The following PPP2R5C variants were observed in gnomAD, a reference collection of about 807,000 sequenced individuals.
PPP2R5C encodes the protein serine/threonine-protein phosphatase 2A 56 kDa regulatory subunit gamma isoform.
Under a neutral mutation model 68.9 loss-of-function variants are expected in PPP2R5C, and 7 were observed. The ratio of observed to expected loss-of-function variants is 0.10; its 90% CI spans 0.06 to 0.19. The LOEUF is 0.19. PPP2R5C is among the 10% of genes least tolerant of loss of function. The probability of loss-of-function intolerance (pLI) is 1.00; values close to 1 mark genes in which losing one functional copy is unlikely to be tolerated. For missense variants in PPP2R5C, 348 were observed against 641.3 expected (o/e 0.54, Z 4.94); for synonymous variants, 210 against 222.2 (o/e 0.95, Z 0.49).
chr14:101,880,807 A>G (rs1375979905), intron 2 of PPP2R5C, among the ~76,000 whole-genome samples: 2 of 152,184 alleles, frequency 1.3e-5, no homozygotes, highest in South Asian at 4.1e-4. Flanking sequence ...AGAGGAAAAA[A>G]GAAAAGGGAA....
At chr14:101,810,199 A>G (rs1293057738) in intron 1 of PPP2R5C, 3 of 646,192 alleles carry the variant, frequency 4.6e-6, no homozygotes, top group African/African-American at 3.7e-5. Context: ...GCAGTTTGGC[A>G]TTTTACGAAC....
chr14:101,806,269 C>T (rs956698045), upstream of PPP2R5C, among the ~76,000 whole-genome samples: 1 of 148,724 alleles, frequency 6.7e-6, no homozygotes, highest in African/African-American at 2.6e-5. Flanking sequence ...TGTCCCCCAC[C>T]CCCCGACAGG....
intron 2 of PPP2R5C, among the ~76,000 whole-genome samples, chr14:101,763,767 G>C (rs2036691882): frequency 6.6e-6 from 1 of 152,144 alleles, no homozygotes; most frequent in East Asian, 1.9e-4. Flanking sequence ...CTATGGTGTT[G>C]CTATGTTGCT....
At chr14:101,858,130 G>A (rs146636055) in intron 2 of PPP2R5C, among the ~76,000 whole-genome samples, 1 of 152,226 alleles carries the variant, frequency 6.6e-6, no homozygotes, top group African/African-American at 2.4e-5. Context: ...AGAGTAATAG[G>A]CATAAACTGA....
At chr14:101,908,265 G>C (rs2046174939) in intron 10 of PPP2R5C, among the ~76,000 whole-genome samples, 1 of 152,244 alleles carries the variant, frequency 6.6e-6, no homozygotes, top group Non-Finnish European at 1.5e-5. Flanking sequence ...CATGCTGATA[G>C]CAGTGGAGGC....
chr14:101,794,081 C>T (rs1015872584), intron 3 of PPP2R5C, among the ~76,000 whole-genome samples: 4 of 152,158 alleles, frequency 2.6e-5, no homozygotes, highest in Non-Finnish European at 5.9e-5. Flanking sequence ...AGGCAACATT[C>T]GAGTGGGGAA....
At chr14:101,780,474 C>T (rs552880636) in intron 2 of PPP2R5C, among the ~76,000 whole-genome samples, 4 of 152,274 alleles carry the variant, frequency 2.6e-5, no homozygotes, top group East Asian at 1.9e-4. Context: ...TAGTTGTCGC[C>T]GCTTGGGGGG....
intron 3 of PPP2R5C, among the ~76,000 whole-genome samples, chr14:101,798,279 A>G (rs2140126027): frequency 6.6e-6 from 1 of 152,364 alleles, no homozygotes; most frequent in East Asian, 1.9e-4. Context: ...AAATAGAAGC[A>G]TATTTAATTT....
At chr14:101,864,926 TCTG>T (rs2036340360) in intron 2 of PPP2R5C, among the ~76,000 whole-genome samples, 1 of 152,232 alleles carries the variant, frequency 6.6e-6, no homozygotes, top group Non-Finnish European at 1.5e-5. Context: ...CAGCTCAACA[TCTG>T]CTGCGGCATT....
chr14:101,775,189 A>AG (rs1256399295), intron 2 of PPP2R5C, among the ~76,000 whole-genome samples: 1 of 152,214 alleles, frequency 6.6e-6, no homozygotes, highest in Non-Finnish European at 1.5e-5. Flanking sequence ...AGATACTGAG[A>AG]GATCAGTGAT....
intron 1 of PPP2R5C, among the ~76,000 whole-genome samples, chr14:101,822,336 G>A (rs377412588): frequency 1.3e-5 from 2 of 152,112 alleles, no homozygotes; most frequent in Non-Finnish European, 2.9e-5. Flanking sequence ...AAACACGAAC[G>A]AGAATGAACA....
intron 9 of PPP2R5C, among the ~76,000 whole-genome samples, chr14:101,902,383 C>G (rs2045739774): frequency 6.6e-6 from 1 of 152,184 alleles, no homozygotes; most frequent in Admixed American, 6.5e-5. Flanking sequence ...GAGCTACTTT[C>G]TACTTTCTTT....
chr14:101,894,406 C>G (rs1367722845), intron 7 of PPP2R5C, 101 bp from the exon 10 acceptor site: 3 of 1,079,952 alleles, frequency 2.8e-6, no homozygotes, highest in Non-Finnish European at 2.8e-6. Context: ...TACCGTGGGT[C>G]CTTGTCTTGC....
At chr14:101,762,778 A>G in intron 1 of PPP2R5C, 127 bp from the exon 2 acceptor site, 1 of 767,568 alleles carries the variant, frequency 1.3e-6, no homozygotes, top group Non-Finnish European at 2.2e-6. Context: ...GAATTTCCTA[A>G]TGGTATGAAT....
At chr14:101,894,796 C>T (rs998047161) in intron 8 of PPP2R5C, among the ~76,000 whole-genome samples, 7 of 152,170 alleles carry the variant, frequency 4.6e-5, no homozygotes, top group African/African-American at 9.7e-5. Flanking sequence ...CCTTGTCCCT[C>T]GTTGCACTTT....
At chr14:101,900,809 G>C (rs577568313) in intron 8 of PPP2R5C, among the ~76,000 whole-genome samples, 2 of 152,184 alleles carry the variant, frequency 1.3e-5, no homozygotes, top group Non-Finnish European at 1.5e-5. Context: ...GCAGTCCGAC[G>C]GGCTGTGCCT....
intron 1 of PPP2R5C, chr14:101,819,128 G>A: frequency 6.8e-7 from 1 of 1,475,826 alleles, no homozygotes; most frequent in Non-Finnish European, 9.3e-7. Context: ...TACATTTGTA[G>A]ACAGTTTCTG....
In PPP2R5C at chr14:101,819,170, T is replaced by C. The variant is rs2039896199; in HGVS notation, c.94+9134T>C. ...TATAATTAGGAATGGGTTGTCGGTT[T>C]TGGTTTTTTTCCCAGCTTTATGTAA... On this transcript the variant is annotated intron_variant, in intron 1 of 13. Coordinates refer to ENST00000334743, the Ensembl canonical transcript of PPP2R5C. 3 of 1,339,696 alleles carry C rather than the reference T, an allele frequency of 2.2e-6. No individual in the cohort carries two copies. In the African/African-American group the frequency reaches 4.4e-5, roughly 20 times the overall value. The allele number at this position is 1,339,696 out of a possible 1,614,324, so 83.0% of individuals were successfully genotyped here. A position where few individuals can be genotyped will look rare whatever the true frequency, so the allele number is the denominator to read the frequency against.
chr14:101,899,732 C>T lies in PPP2R5C; in HGVS notation c.853-1987C>T, dbSNP rs2045569290. Reference sequence around the variant, plus strand: ...TGTGTCCTTAATAGTGATTCCAATACACGCAAAGTGTGGTAGGAACACAAT... The same window carrying T: ...TGTGTCCTTAATAGTGATTCCAATATACGCAAAGTGTGGTAGGAACACAAT... On this transcript the variant is annotated intron_variant, in intron 8 of 13. Coordinates refer to ENST00000334743, the Ensembl canonical transcript of PPP2R5C. This position sits in a 1 kb window ranked among gnomAD's most constrained non-coding sequence, Gnocchi z 4.2. Among the ~76,000 whole-genome samples, 1 of 152,196 alleles carries T rather than the reference C, an allele frequency of 6.6e-6. No individual in the cohort carries two copies. Among genetic ancestry groups the T allele is most frequent in the Non-Finnish European group, 1.5e-5 (1 of 68,032 alleles).
Sources: allele counts gnomAD v4.1 joint callset (sites outside exome capture counted in the v4.1 genomes callset), GRCh38; gene constraint gnomAD v4.1.1; non-coding constraint Gnocchi (gnomAD v3.1); transcripts MANE v1.5; gene names NCBI Gene and HGNC (gene_info 2026-07-23, HGNC 2026-07-21).